Variants in AKAP9 observed in about 807,000 individuals in gnomAD.
AKAP9 encodes the protein A-kinase anchor protein 9.
Under a neutral mutation model 488.5 loss-of-function variants are expected in AKAP9, and 311 were observed. That is an observed-to-expected ratio of 0.64 (90% confidence interval 0.58 to 0.70). The LOEUF (loss-of-function observed/expected upper bound fraction) is 0.70, where lower values mean the gene tolerates loss of function less well. Ranked by LOEUF, AKAP9 falls within the 30% of genes least tolerant of loss-of-function variation. The pLI, the probability that AKAP9 is intolerant of heterozygous loss-of-function variation, is 0.00. For synonymous variants in AKAP9, 1,462 were observed against 1,483.5 expected, an observed-to-expected ratio of 0.99 and a Z score of 0.33; for missense variants, 4,215 against 4,374.5, an observed-to-expected ratio of 0.96 and a Z score of 1.03.
intron 22 of AKAP9, among the ~76,000 whole-genome samples, chr7:92,054,094 C>T (rs141960142): frequency 1.3e-5 from 2 of 152,008 alleles, no homozygotes; most frequent in Non-Finnish European, 2.9e-5. Context: ...TGGGAGTAGG[C>T]GTTTTTAAAA....
At chr7:92,062,533 G>A (rs747011984) in intron 24 of AKAP9, 47 bp downstream of exon 24, 4 of 1,548,286 alleles carry the variant, frequency 2.6e-6, no homozygotes, top group South Asian at 2.2e-5. Flanking sequence ...GATTTTATTT[G>A]TATTCTTCAA....
chr7:92,041,512 T>C, intron 18 of AKAP9: 1 of 154,466 alleles, frequency 6.5e-6, no homozygotes, highest in East Asian at 1.9e-4. Context: ...AAATACTTCT[T>C]GGTATTTGGG....
chr7:92,008,146 G>C (rs1414714421), intron 8 of AKAP9, among the ~76,000 whole-genome samples: 2 of 152,020 alleles, frequency 1.3e-5, no homozygotes, highest in African/African-American at 4.8e-5. Context: ...GAGGTGGACA[G>C]ATCACAAGGT....
chr7:92,040,309 A>T (rs1805853859), intron 17 of AKAP9, among the ~76,000 whole-genome samples: 2 of 152,148 alleles, frequency 1.3e-5, no homozygotes, highest in Non-Finnish European at 2.9e-5. Flanking sequence ...TATTCCATGG[A>T]TATTATTTTC....
intron 3 of AKAP9, among the ~76,000 whole-genome samples, chr7:91,990,770 A>G (rs1275893066): frequency 6.6e-6 from 1 of 152,246 alleles, no homozygotes; most frequent in Admixed American, 6.5e-5. Flanking sequence ...TTAAAGGAAT[A>G]TTCATTGCTT....
rs1188872122 is a variant in AKAP9, at chr7:92,093,283, A to G, written c.9545A>G (p.Gln3182Arg). Residue 3182 changes from glutamine to arginine, a missense_variant, in exon 39 of 50, where the codon CAG (glutamine) becomes CGG (arginine). Around this residue, in one of 5 missense-constraint regions of AKAP9, gnomAD observed 1,476 missense variants for 1,477.4 expected, o/e 1.00. Coordinates refer to ENST00000356239, the MANE Select transcript of AKAP9 (RefSeq NM_005751.5). ...KLELETTLKA[Q>R]HKHLKELEAF... ...GAACTAGAAACAACACTCAAGGCAC[A>G]GCATAAACACCTAAAAGAATTGGAG... 2.5e-6 allele frequency: 4 copies of G among 1,614,130 alleles called. No homozygotes were observed. The highest frequency in any genetic ancestry group is 1.7e-5 in the Admixed American group (1 of 60,034).
intron 17 of AKAP9, among the ~76,000 whole-genome samples, chr7:92,040,385 T>C (rs1805867300): frequency 6.6e-6 from 1 of 152,140 alleles, no homozygotes; most frequent in Non-Finnish European, 1.5e-5. Flanking sequence ...GAATCTTAAG[T>C]ATCTTAGTTC....
chr7:92,039,516 G>A (rs1584268827), intron 17 of AKAP9, among the ~76,000 whole-genome samples: 1 of 152,164 alleles, frequency 6.6e-6, no homozygotes, highest in African/African-American at 2.4e-5. Context: ...CTTGATTTAT[G>A]TACTTATTTA....
chr7:92,018,041 A>C (rs912109588), intron 12 of AKAP9, among the ~76,000 whole-genome samples: 4 of 152,226 alleles, frequency 2.6e-5, no homozygotes, highest in African/African-American at 9.6e-5. Flanking sequence ...AAATGCCTAC[A>C]TTAACTTAGC....
At chr7:92,108,019 CA>C (rs60351982) in intron 48 of AKAP9, 102,114 of 143,754 alleles carry the variant, frequency 0.71, 33,667 homozygotes, top group African/African-American at 0.81. Context: ...ATTTGGTCTC[CA>C]AAAAAAAAAA....
rs1816370877 is a variant in AKAP9, at chr7:92,095,285, A to G, written c.9729+112A>G. On this transcript the variant is annotated intron_variant, in intron 40 of 49. Coordinates refer to ENST00000356239, the MANE Select transcript of AKAP9 (RefSeq NM_005751.5). ...CTTAGACTTCTTAATAAGATATGGT[A>G]AGTTGTTCACTGTGCATTGAATACT... 3 of 1,232,386 alleles carry G rather than the reference A, an allele frequency of 2.4e-6. No individual in the cohort carries two copies. The Admixed American group carries it at 5.9e-5, about 24-fold the overall frequency. The allele number at this position is 1,232,386 out of a possible 1,614,324, so 76.3% of individuals were successfully genotyped here.
chr7:92,060,146 A>C (rs567144004), intron 22 of AKAP9, among the ~76,000 whole-genome samples: 4 of 152,012 alleles, frequency 2.6e-5, no homozygotes, highest in Non-Finnish European at 5.9e-5. Flanking sequence ...AGATGTGAAA[A>C]GTGGAAGTCT....
rs1471739869 is a variant in AKAP9, at chr7:92,097,319, C to T, written c.10360C>T (p.Arg3454Ter). Residue 3454 changes from arginine to a stop codon, truncating the protein, a stop_gained, in exon 41 of 50, where the codon CGA (arginine) becomes TGA (stop). Transcript: ENST00000356239. LOFTEE classifies it high-confidence loss of function. ...QKQELEREEK[R>*]ESRRILYQNL... ...GCAAGAACTAGAACGAGAAGAAAAACGAGAAAGTAGAAGAATTCTGTATCA... is the reference window on the plus strand; with the variant it reads ...GCAAGAACTAGAACGAGAAGAAAAATGAGAAAGTAGAAGAATTCTGTATCA... 6 of 1,613,494 alleles carry T rather than the reference C, an allele frequency of 3.7e-6. No individual in the cohort carries two copies. Among genetic ancestry groups the T allele is most frequent in the African/African-American group, 1.3e-5 (1 of 74,904 alleles).
intron 1 of AKAP9, among the ~76,000 whole-genome samples, chr7:91,957,425 C>T (rs1427970264): frequency 2.0e-5 from 3 of 152,106 alleles, no homozygotes; most frequent in Non-Finnish European, 4.4e-5. Context: ...TCTGAGTTTC[C>T]TAAAATATGC....
At chr7:91,993,342 C>G (rs1295517093) in intron 5 of AKAP9, among the ~76,000 whole-genome samples, 1 of 151,960 alleles carries the variant, frequency 6.6e-6, no homozygotes. Flanking sequence ...GCATGCACTA[C>G]CACACCCAGC....
intron 9 of AKAP9, among the ~76,000 whole-genome samples, chr7:92,012,876 G>T (rs948455415): frequency 3.4e-5 from 5 of 147,156 alleles, no homozygotes; most frequent in Non-Finnish European, 5.9e-5. Context: ...TTCTCCAACA[G>T]AAGAATGAAT....
intron 14 of AKAP9, among the ~76,000 whole-genome samples, chr7:92,027,647 T>C (rs1378261697): frequency 6.8e-6 from 1 of 146,422 alleles, no homozygotes; most frequent in African/African-American, 2.6e-5. Context: ...GAGGAGCGCC[T>C]CTGCCTGGCC....
Position 92,061,508 on chromosome 7 carries a change from C to T in AKAP9, c.5764+86C>T, listed in dbSNP as rs369728421. 98 of 1,458,790 alleles carry T rather than the reference C, an allele frequency of 6.7e-5. No individual in the cohort carries two copies. In the African/African-American group the frequency reaches 1.1e-3, roughly 17 times the overall value. The allele number at this position is 1,458,790 out of a possible 1,614,324, so 90.4% of individuals were successfully genotyped here. A position where few individuals can be genotyped will look rare whatever the true frequency, so the allele number is the denominator to read the frequency against. On this transcript the variant is annotated intron_variant, in intron 23 of 49. Coordinates refer to ENST00000356239, the MANE Select transcript of AKAP9 (RefSeq NM_005751.5). ...TTGATGCACAGCCAGGTTTGGAAGCCGTCAATCCAATTTAGAATGACCATT... is the reference window on the plus strand; with the variant it reads ...TTGATGCACAGCCAGGTTTGGAAGCTGTCAATCCAATTTAGAATGACCATT...
intron 46 of AKAP9, among the ~76,000 whole-genome samples, chr7:92,103,694 CAA>C (rs777641709): frequency 1.3e-4 from 12 of 94,812 alleles, no homozygotes; most frequent in Admixed American, 1.1e-4. Flanking sequence ...GACTCTGTCT[CAA>C]AAAAAAAAAA....
Sources: gnomAD v4.1 joint callset for allele counts (sites outside exome capture counted in the v4.1 genomes callset) on GRCh38, gnomAD v4.1.1 for gene constraint, gnomAD v4.1.1 regional missense constraint, MANE v1.5 for transcripts, NCBI Gene and HGNC (gene_info 2026-07-23, HGNC 2026-07-21) for gene names.